The following PITPNA variants were observed in gnomAD, a reference collection of about 807,000 sequenced individuals.
PITPNA encodes phosphatidylinositol transfer protein alpha isoform.
Under a neutral mutation model 50.3 loss-of-function variants are expected in PITPNA, and 13 were observed. The observed-to-expected ratio is 0.26, with a 90% confidence interval of 0.17 to 0.41. The LOEUF (loss-of-function observed/expected upper bound fraction) is 0.41, where lower values mean the gene tolerates loss of function less well. Among genes scored for constraint, PITPNA ranks in the 10% least tolerant of loss-of-function variants. The pLI, the probability that PITPNA is intolerant of heterozygous loss-of-function variation, is 1.00. For missense variants in PITPNA, 207 were observed against 333.4 expected (o/e 0.62, Z 2.95); for synonymous variants, 120 against 119.6 (o/e 1.00, Z -0.02).
At chr17:1,531,946 G>A (rs976027778) in intron 10 of PITPNA, among the ~76,000 whole-genome samples, 2 of 152,174 alleles carry the variant, frequency 1.3e-5, no homozygotes, top group African/African-American at 4.8e-5. Flanking sequence ...CAATGAGGTG[G>A]ACTTGCTTTC....
intron 10 of PITPNA, among the ~76,000 whole-genome samples, chr17:1,531,387 C>A (rs2075582156): frequency 6.6e-6 from 1 of 151,986 alleles, no homozygotes; most frequent in South Asian, 2.1e-4. Context: ...ACTGTAACTA[C>A]CGAGTACAAG....
chr17:1,538,627 T>G (rs941151813), intron 7 of PITPNA: 3 of 416,216 alleles, frequency 7.2e-6, no homozygotes, highest in Non-Finnish European at 1.3e-5. Context: ...CTACAATACC[T>G]ACTTAGTCCA....
rs538397788 is a variant in PITPNA, at chr17:1,538,825, T to C, written c.456+44A>G. On this transcript the variant is annotated intron_variant, in intron 7 of 11. Transcript: ENST00000313486. Reference sequence around the variant, plus strand: ...TGGTTTCTTTAGCATTGAGAAGTCATTTCTGCGTCTCGAAGGCCACCCACG... The same window carrying C: ...TGGTTTCTTTAGCATTGAGAAGTCACTTCTGCGTCTCGAAGGCCACCCACG... The C allele has an allele frequency of 6.5e-5, 82 of 1,257,500 alleles. 1 individual carries two copies. The South Asian group carries it at 9.7e-4, about 15-fold the overall frequency. 77.9% of individuals were successfully genotyped at this position (1,257,500 alleles called of 1,614,324 possible).
intron 10 of PITPNA, among the ~76,000 whole-genome samples, chr17:1,529,369 A>C (rs1045585523): frequency 1.3e-5 from 2 of 151,554 alleles, no homozygotes; most frequent in African/African-American, 2.4e-5. Flanking sequence ...TTAAAAATAG[A>C]AAATTAGTGG....
rs778607697 is a variant in PITPNA at position 1,535,163 on chromosome 17, C to T, written c.645+19G>A. 2.7e-6 allele frequency: 4 copies of T among 1,483,892 alleles called. No homozygotes were observed. The South Asian group carries it at 4.5e-5, about 17-fold the overall frequency. The allele number at this position is 1,483,892 out of a possible 1,614,324, so 91.9% of individuals were successfully genotyped here. On this transcript the variant is annotated intron_variant, in intron 9 of 11. Transcript: ENST00000313486. ...CACACACACGCAGTCACTGGGAAGG[C>T]CTCAGCCGAGCTACTTACCTTATGG...
At chr17:1,561,413 C>A (rs2075767449) in intron 1 of PITPNA, 1 of 152,358 alleles carries the variant, frequency 6.6e-6, no homozygotes, top group Non-Finnish European at 1.5e-5. Context: ...GCTCCATGGA[C>A]CCCTCAATTC....
At chr17:1,536,614 G>C (rs1281652919) in intron 7 of PITPNA, among the ~76,000 whole-genome samples, 2 of 150,882 alleles carry the variant, frequency 1.3e-5, no homozygotes, top group Admixed American at 1.3e-4. Context: ...ATTTTTTTGA[G>C]ACAGCATCTC....
chr17:1,533,561 G>C (rs532498370), intron 10 of PITPNA, among the ~76,000 whole-genome samples: 1 of 152,284 alleles, frequency 6.6e-6, no homozygotes, highest in South Asian at 2.1e-4. Flanking sequence ...CATGAGAAGT[G>C]CTGGGTCTTT....
rs769144750 is a variant in PITPNA, at chr17:1,538,828, C to T, written c.456+41G>A. 5.5e-6 allele frequency: 7 copies of T among 1,277,574 alleles called. No individual in the cohort carries two copies. In the South Asian group the frequency reaches 7.3e-5, roughly 13 times the overall value. 79.1% of individuals were successfully genotyped at this position (1,277,574 alleles called of 1,614,324 possible). A position where few individuals can be genotyped will look rare whatever the true frequency, so the allele number is the denominator to read the frequency against. On this transcript the variant is annotated intron_variant, in intron 7 of 11. Transcript: ENST00000313486. ...TTTCTTTAGCATTGAGAAGTCATTT[C>T]TGCGTCTCGAAGGCCACCCACGTCT...
At chr17:1,524,940 T>C (rs1033794428) in intron 10 of PITPNA, among the ~76,000 whole-genome samples, 1 of 152,086 alleles carries the variant, frequency 6.6e-6, no homozygotes, top group Admixed American at 6.6e-5. Flanking sequence ...TGTGTAGAGA[T>C]GAAAATTACT....
chr17:1,524,169 C>T (rs908159300), intron 10 of PITPNA, among the ~76,000 whole-genome samples: 2 of 151,494 alleles, frequency 1.3e-5, no homozygotes, highest in African/African-American at 2.4e-5. Context: ...CTCAGCCTCC[C>T]GAGTAGCTGA....
At chr17:1,536,554 GC>G (rs2075618605) in intron 7 of PITPNA, among the ~76,000 whole-genome samples, 1 of 151,800 alleles carries the variant, frequency 6.6e-6, no homozygotes, top group South Asian at 2.1e-4. Flanking sequence ...CTCCCACAGT[GC>G]TGGGATTACA....
intron 1 of PITPNA, chr17:1,561,206 C>G (rs2075766324): frequency 6.6e-6 from 1 of 152,284 alleles, no homozygotes; most frequent in Non-Finnish European, 1.5e-5. Flanking sequence ...TACTTGGAAC[C>G]CTGAGCTTCA....
At chr17:1,549,202 G>A (rs561893824) in intron 3 of PITPNA, among the ~76,000 whole-genome samples, 6 of 150,490 alleles carry the variant, frequency 4.0e-5, no homozygotes, top group South Asian at 2.1e-4. Flanking sequence ...CACCGCGCCC[G>A]GTCTCTTCTA....
chr17:1,552,884 T>C, intron 3 of PITPNA, 120 bp downstream of exon 3: 2 of 968,968 alleles, frequency 2.1e-6, no homozygotes, highest in Non-Finnish European at 3.1e-6. Context: ...AGTATATAAC[T>C]ATTAATTGTT....
At position 1,538,925 on chromosome 17, in the gene PITPNA, T is replaced by C. The variant is rs2075633108; in HGVS notation, c.400A>G (p.Lys134Glu). The change falls in exon 7 of 12, where the codon AAA becomes GAA. Residue 134 changes from lysine (K) to glutamate (E), a missense_variant. By Grantham distance (56) the Lys-to-Glu change is moderately conservative. Coordinates refer to ENST00000313486, the MANE Select transcript of PITPNA (RefSeq NM_006224.4). ...NVHKLEPEAW[K>E]HVEAVYIDIA... The stretch of plus-strand genomic sequence containing the variant: ...TCTATATATACGGCTTCCACGTGTT[T>C]CCACGCCTCAGGCTCCAGCTTATGC... 1 of 1,613,634 alleles carries C rather than the reference T, an allele frequency of 6.2e-7. No homozygotes were observed. The highest frequency in any genetic ancestry group is 1.3e-5 in the African/African-American group (1 of 74,940).
In PITPNA at chr17:1,548,317, C is replaced by T. The variant is rs1208470011; in HGVS notation, c.268G>A (p.Ala90Thr). The part of the protein sequence containing the change: ...ALNIHEKAWN[A>T]YPYCRTVITN... ...TCACCGGTTCTGCAGTAGGGGTAAG[C>T]ATTCCAGGCTTTCTCGTGTATATTC... Residue 90 changes from alanine (A) to threonine (T), a missense_variant, in exon 4 of 12, where the codon GCT becomes ACT. Transcript: ENST00000313486. The T allele has an allele frequency of 3.1e-6, 5 of 1,608,360 alleles. No homozygotes were observed. Among genetic ancestry groups the T allele is most frequent in the Non-Finnish European group, 4.2e-6 (5 of 1,177,602 alleles).
rs751098830 is a variant in PITPNA, at chr17:1,535,328, CA to C, written c.535-37del. ...AACATACCCATGGGTACGCAAGTAA[CA>C]ACGGGCAGACCTCAGGCCGTCCCCA... On this transcript the variant is annotated intron_variant, in intron 8 of 11. Transcript: ENST00000313486. 2.6e-6 allele frequency: 4 copies of C among 1,550,542 alleles called. No individual in the cohort carries two copies. In the African/African-American group the frequency reaches 5.4e-5, roughly 21 times the overall value.
chr17:1,540,417 T>G (rs1378404192), intron 6 of PITPNA, among the ~76,000 whole-genome samples: 1 of 152,130 alleles, frequency 6.6e-6, no homozygotes, highest in Non-Finnish European at 1.5e-5. Context: ...GTGCGTGGAT[T>G]TTTCTTTTAA....
Sources: gnomAD v4.1 joint callset for allele counts (sites outside exome capture counted in the v4.1 genomes callset) on GRCh38, gnomAD v4.1.1 for gene constraint, MANE v1.5 for transcripts, NCBI Gene and HGNC (gene_info 2026-07-23, HGNC 2026-07-21) for gene names.